The following DCC variants were observed in gnomAD, a reference collection of about 807,000 sequenced individuals.
DCC encodes DCC netrin 1 receptor, also known as netrin receptor DCC.
A neutral mutation model predicts 172.5 loss-of-function variants in DCC; 58 were observed. The observed-to-expected ratio is 0.34, with a 90% confidence interval of 0.27 to 0.42. The LOEUF (loss-of-function observed/expected upper bound fraction) is 0.42. DCC is among the 10% of genes least tolerant of loss of function. DCC has a pLI of 1.00. For synonymous variants in DCC, 709 were observed against 644.5 expected, an observed-to-expected ratio of 1.10 and a Z score of -1.52; for missense variants, 1,740 against 1,791.0, an observed-to-expected ratio of 0.97 and a Z score of 0.51.
intron 1 of DCC, among the ~76,000 whole-genome samples, chr18:52,480,861 A>T (rs2029930157): frequency 6.6e-6 from 1 of 152,040 alleles, no homozygotes; most frequent in African/African-American, 2.4e-5. Flanking sequence ...TTTTTTCAAC[A>T]ATCTAATTCT....
intron 12 of DCC, among the ~76,000 whole-genome samples, chr18:53,222,518 G>C (rs1185967875): frequency 6.6e-6 from 1 of 151,314 alleles, no homozygotes; most frequent in African/African-American, 2.4e-5. Flanking sequence ...CTGAGTAGCT[G>C]GGACTACAGG....
At chr18:53,232,321 A>G (rs1251652464) in intron 12 of DCC, among the ~76,000 whole-genome samples, 1 of 152,156 alleles carries the variant, frequency 6.6e-6, no homozygotes, top group Non-Finnish European at 1.5e-5. Context: ...TCATGTGACT[A>G]TTAGACATCC....
chr18:52,800,511 T>C (rs944734639), intron 2 of DCC, among the ~76,000 whole-genome samples: 1 of 152,200 alleles, frequency 6.6e-6, no homozygotes, highest in African/African-American at 2.4e-5. Context: ...TAGGTGAATA[T>C]GACGATGATA....
At chr18:52,439,700 T>C (rs767527221) in intron 1 of DCC, among the ~76,000 whole-genome samples, 1 of 152,158 alleles carries the variant, frequency 6.6e-6, no homozygotes, top group Admixed American at 6.5e-5. Flanking sequence ...GAGAGAGACA[T>C]TTGTCATCTT....
intron 5 of DCC, among the ~76,000 whole-genome samples, chr18:53,060,089 T>C (rs1049066481): frequency 3.3e-5 from 5 of 151,994 alleles, no homozygotes; most frequent in Non-Finnish European, 7.4e-5. Context: ...CTGCAAACTC[T>C]ACCTCCCAGA....
intron 1 of DCC, among the ~76,000 whole-genome samples, chr18:52,637,207 C>T (rs1411034778): frequency 6.6e-6 from 1 of 152,148 alleles, no homozygotes; most frequent in Non-Finnish European, 1.5e-5. Context: ...ACAGAGCATA[C>T]CCAAATCAAA....
At chr18:53,074,182 C>A (rs9964201) in intron 7 of DCC, among the ~76,000 whole-genome samples, 22,973 of 152,088 alleles carry the variant, frequency 0.15, 2,311 homozygotes, top group East Asian at 0.36. Context: ...TATGATTTAA[C>A]TGTTTCATTG....
intron 7 of DCC, among the ~76,000 whole-genome samples, chr18:53,115,927 A>T (rs1305107061): frequency 2.0e-5 from 3 of 151,534 alleles, no homozygotes; most frequent in Admixed American, 6.6e-5. Flanking sequence ...AATATATGCA[A>T]TGGACCAGGG....
chr18:52,577,123 A>C (rs1286303495), intron 1 of DCC, among the ~76,000 whole-genome samples: 1 of 152,252 alleles, frequency 6.6e-6, no homozygotes, highest in African/African-American at 2.4e-5. Context: ...AGTTATACTT[A>C]GGAGACACAT....
intron 7 of DCC, among the ~76,000 whole-genome samples, chr18:53,114,360 C>A (rs1445813247): frequency 6.6e-6 from 1 of 151,078 alleles, no homozygotes; most frequent in Non-Finnish European, 1.5e-5. Context: ...AGAAAAGTGA[C>A]AGCCTGCCAA....
intron 3 of DCC, among the ~76,000 whole-genome samples, chr18:52,917,671 C>A (rs1345950762): frequency 6.6e-6 from 1 of 152,262 alleles, no homozygotes; most frequent in East Asian, 1.9e-4. Context: ...TTTTAAGGCA[C>A]CCTGTGTAGC....
chr18:52,888,841 GTA>G (rs925796798), intron 2 of DCC, among the ~76,000 whole-genome samples: 10 of 151,802 alleles, frequency 6.6e-5, no homozygotes, highest in African/African-American at 2.4e-4. Context: ...AGGGATATAT[GTA>G]TATATTTGAC....
At chr18:53,527,181 T>TC in intron 28 of DCC, among the ~76,000 whole-genome samples, 1 of 117,938 alleles carries the variant, frequency 8.5e-6, no homozygotes, top group East Asian at 3.2e-4. Context: ...TGGAAATAAA[T>TC]AAGACTATAT....
At chr18:53,121,309 G>T (rs2043480678) in intron 7 of DCC, among the ~76,000 whole-genome samples, 2 of 151,890 alleles carry the variant, frequency 1.3e-5, no homozygotes, top group African/African-American at 4.8e-5. Context: ...TATCATTTCT[G>T]TAAACTGTGA....
intron 20 of DCC, among the ~76,000 whole-genome samples, chr18:53,414,700 T>C (rs1196983325): frequency 6.6e-6 from 1 of 151,908 alleles, no homozygotes; most frequent in East Asian, 1.9e-4. Flanking sequence ...TACAAAAAAT[T>C]AGCCAGGCGT....
chr18:52,383,227 C>A (rs1455011969), intron 1 of DCC, among the ~76,000 whole-genome samples: 1 of 152,058 alleles, frequency 6.6e-6, no homozygotes, highest in African/African-American at 2.4e-5. Context: ...AATGCAGTAC[C>A]AATGTTTACC....
chr18:52,377,923 C>T (rs118046068), intron 1 of DCC, among the ~76,000 whole-genome samples: 1,683 of 152,112 alleles, frequency 0.011, 10 homozygotes, highest in Middle Eastern at 0.027. Context: ...TGGTCTCACA[C>T]TTCTGACCTC....
intron 2 of DCC, among the ~76,000 whole-genome samples, chr18:52,824,645 C>G (rs962360399): frequency 6.6e-6 from 1 of 152,058 alleles, no homozygotes; most frequent in African/African-American, 2.4e-5. Context: ...TGACAGAACC[C>G]TTCATCTCAG....
chr18:53,377,755 A>G lies in DCC; in HGVS notation c.2360-8288A>G, dbSNP rs116229936. Reference sequence around the variant, plus strand: ...ATCCAACAAATGTTACTATTAGGAAAAAGAGAATGAGGAGGAGTTGCTGTT... The same window carrying G: ...ATCCAACAAATGTTACTATTAGGAAGAAGAGAATGAGGAGGAGTTGCTGTT... On this transcript the variant is annotated intron_variant, in intron 15 of 28. Coordinates refer to ENST00000442544, the MANE Select transcript of DCC (RefSeq NM_005215.4). 2.4e-3 allele frequency among the ~76,000 whole-genome samples: 366 copies of G among 152,348 alleles called. 1 individual carries two copies. The highest frequency in any genetic ancestry group is 8.5e-3 in the African/African-American group (353 of 41,586).
Sources: allele counts gnomAD v4.1 joint callset (sites outside exome capture counted in the v4.1 genomes callset), GRCh38; gene constraint gnomAD v4.1.1; transcripts MANE v1.5; gene names NCBI Gene and HGNC (gene_info 2026-07-23, HGNC 2026-07-21).